EXOSC4: variants seen among roughly 807,000 people sequenced by gnomAD.
The protein encoded by EXOSC4 is exosome complex component RRP41.
EXOSC4 carries 14 observed loss-of-function variants against 20.0 expected under a neutral mutation model. The ratio of observed to expected loss-of-function variants is 0.70; its 90% CI spans 0.46 to 1.09. The LOEUF (loss-of-function observed/expected upper bound fraction) is 1.09. EXOSC4 is among the 50% of genes least tolerant of loss of function. The pLI is 0.00. For synonymous variants in EXOSC4, 148 were observed against 146.4 expected (o/e 1.01, Z -0.08); for missense variants, 337 against 334.0 (o/e 1.01, Z -0.07).
the EXOSC4 span, among the ~76,000 whole-genome samples, chr8:144,066,175 C>T: frequency 4.6e-5 from 7 of 151,964 alleles, no homozygotes; most frequent in South Asian, 1.2e-3. Context: ...CGCCACCACA[C>T]CTGGCTGATT....
At chr8:144,078,669 G>A, upstream of EXOSC4, 1 of 1,350,060 alleles carries the variant, frequency 7.4e-7, no homozygotes, top group Non-Finnish European at 9.6e-7. This position sits in a 1 kb window ranked among gnomAD's most constrained non-coding sequence, Gnocchi z 4.7. Context: ...GCCGCCGGGA[G>A]CTGTAGTTCT....
chr8:144,079,936 C>A lies in EXOSC4; in HGVS notation c.172-7C>A. 1 of 1,613,920 alleles carries A rather than the reference C, an allele frequency of 6.2e-7. No homozygotes were observed. The highest frequency in any genetic ancestry group is 8.5e-7 in the Non-Finnish European group (1 of 1,179,970). ...TGGGCCTGGCTCATGTGTCTGTCCTCTTCCAGATCCGGGGCTCCCGGGCTC... is the reference window on the plus strand; with the variant it reads ...TGGGCCTGGCTCATGTGTCTGTCCTATTCCAGATCCGGGGCTCCCGGGCTC... On this transcript the variant is annotated splice_polypyrimidine_tract_variant and splice_region_variant and intron_variant, in intron 1 of 2. Transcript: ENST00000316052.
chr8:144,068,272 T>C, the EXOSC4 span, among the ~76,000 whole-genome samples: 3 of 152,344 alleles, frequency 2.0e-5, no homozygotes, highest in East Asian at 1.9e-4. Flanking sequence ...GCCCCTCCCA[T>C]GAAGTGTCTG....
the EXOSC4 span, among the ~76,000 whole-genome samples, chr8:144,064,118 GC>G: frequency 6.6e-6 from 1 of 152,252 alleles, no homozygotes; most frequent in Admixed American, 6.5e-5. Flanking sequence ...CTGACCTCCA[GC>G]CCCCTGAGGG....
the EXOSC4 span, among the ~76,000 whole-genome samples, chr8:144,067,937 C>T: frequency 5.3e-5 from 8 of 152,194 alleles, no homozygotes; most frequent in Admixed American, 1.3e-4. Flanking sequence ...ACCCAAGAGG[C>T]GGAGGTTCAA....
At position 144,080,262 on chromosome 8, in the gene EXOSC4, G is replaced by A; in HGVS notation, c.399G>A (p.Gly133=). ...IYVQVLQADG[G]TYAACVNAAT... ...TGCAGGTGCTACAGGCAGATGGTGG[G>A]ACCTATGCAGCTTGTGTGAATGCAG... is the stretch of plus-strand genomic sequence containing the variant. The change falls in exon 3 of 3, where the codon GGG becomes GGA. Residue 133 remains glycine (G), a synonymous_variant. Coordinates refer to ENST00000316052, the MANE Select transcript of EXOSC4 (RefSeq NM_019037.3). This position sits in a 1 kb window ranked among gnomAD's most constrained non-coding sequence, Gnocchi z 4.9. 1 of 1,613,842 alleles carries A rather than the reference G, an allele frequency of 6.2e-7. No individual in the cohort carries two copies. Among genetic ancestry groups the A allele is most frequent in the Non-Finnish European group, 8.5e-7 (1 of 1,180,018 alleles).
At chr8:144,077,003 G>A (rs1272334781), upstream of EXOSC4, among the ~76,000 whole-genome samples, 1 of 151,936 alleles carries the variant, frequency 6.6e-6, no homozygotes, top group Non-Finnish European at 1.5e-5. Flanking sequence ...CCCAGGAGGT[G>A]GAGGTTGCAG....
intron 1 of EXOSC4, 96 bp from the exon 2 acceptor site, chr8:144,079,847 G>T: frequency 4.2e-6 from 5 of 1,189,098 alleles, no homozygotes; most frequent in Non-Finnish European, 6.3e-6. Context: ...GCCCCTTGCT[G>T]AGGCATTGAA....
At chr8:144,077,310 G>C (rs1835844954), upstream of EXOSC4, among the ~76,000 whole-genome samples, 1 of 152,164 alleles carries the variant, frequency 6.6e-6, no homozygotes, top group Non-Finnish European at 1.5e-5. Context: ...GGGACAGTAA[G>C]AGCTCAGACT....
chr8:144,078,798 A>C lies in EXOSC4; in HGVS notation c.70A>C (p.Lys24Gln). 6.4e-7 allele frequency: 1 copy of C among 1,569,528 alleles called. No individual in the cohort carries two copies. Among genetic ancestry groups the C allele is most frequent in the Non-Finnish European group, 8.6e-7 (1 of 1,160,576 alleles). Reference protein sequence around the residue: ...VDGRRAGELRKIQARMGVFAQ... With the variant: ...VDGRRAGELRQIQARMGVFAQ... ...CGGGCGGCGCGCCGGGGAGCTGCGC[A>C]AGATCCAGGCGCGGATGGGCGTGTT... The change falls in exon 1 of 3, where the codon AAG becomes CAG. Residue 24 changes from lysine (K) to glutamine (Q), a missense_variant. Coordinates refer to ENST00000316052, the MANE Select transcript of EXOSC4 (RefSeq NM_019037.3). The surrounding 1 kb of genome is among the most constrained non-coding windows in gnomAD (Gnocchi z 4.7).
At chr8:144,065,378 G>C in the EXOSC4 span, among the ~76,000 whole-genome samples, 15 of 152,150 alleles carry the variant, frequency 9.9e-5, no homozygotes, top group Non-Finnish European at 1.9e-4. Context: ...GTGCCCCTGA[G>C]ACTAGTGCTC....
At chr8:144,074,457 CACA>C (rs1835818812), upstream of EXOSC4, among the ~76,000 whole-genome samples, 2 of 152,214 alleles carry the variant, frequency 1.3e-5, no homozygotes, top group African/African-American at 4.8e-5. Flanking sequence ...CATGTCATGA[CACA>C]ACAAGCTGAT....
In EXOSC4 at chr8:144,078,830, G is replaced by A; in HGVS notation, c.102G>A (p.Gln34=). 7.0e-6 allele frequency: 11 copies of A among 1,581,674 alleles called. No homozygotes were observed. Among genetic ancestry groups the A allele is most frequent in the South Asian group, 1.1e-5 (1 of 87,284 alleles). The change falls in exon 1 of 3, where the codon CAG becomes CAA. Residue 34 remains glutamine (Q), a synonymous_variant. Coordinates refer to ENST00000316052, the MANE Select transcript of EXOSC4 (RefSeq NM_019037.3). The surrounding 1 kb of genome is among the most constrained non-coding windows in gnomAD (Gnocchi z 4.7). ...AGGCGCGGATGGGCGTGTTCGCGCAGGCTGACGGCTCGGCCTACATTGAGC... is the reference window on the plus strand; with the variant it reads ...AGGCGCGGATGGGCGTGTTCGCGCAAGCTGACGGCTCGGCCTACATTGAGC... The part of the protein sequence containing the change: ...KIQARMGVFA[Q]ADGSAYIEQG...
upstream of EXOSC4, among the ~76,000 whole-genome samples, chr8:144,075,293 T>C (rs1012876941): frequency 2.6e-5 from 4 of 151,840 alleles, no homozygotes; most frequent in African/African-American, 4.8e-5. Context: ...GTGGTGCGAT[T>C]TCGGCTCACT....
At chr8:144,067,546 C>A in the EXOSC4 span, among the ~76,000 whole-genome samples, 5 of 152,172 alleles carry the variant, frequency 3.3e-5, no homozygotes, top group Non-Finnish European at 7.3e-5. Context: ...AATGATTCAT[C>A]ACATATAAGA....
chr8:144,067,713 T>C, the EXOSC4 span, among the ~76,000 whole-genome samples: 4 of 152,122 alleles, frequency 2.6e-5, no homozygotes, highest in African/African-American at 9.7e-5. Flanking sequence ...TGAACAAAGA[T>C]AGAAAATGTG....
the EXOSC4 span, among the ~76,000 whole-genome samples, chr8:144,073,015 G>A: frequency 6.6e-6 from 1 of 152,332 alleles, no homozygotes; most frequent in South Asian, 2.1e-4. Context: ...TGAACAGAGT[G>A]GCCATGGTGG....
rs887344804 is a variant in EXOSC4 at position 144,080,092 on chromosome 8, C to T, written c.321C>T (p.Phe107=). The T allele has an allele frequency of 3.7e-6, 6 of 1,614,052 alleles. No homozygotes were observed. The highest frequency in any genetic ancestry group is 2.2e-5 in the East Asian group (1 of 44,892). Residue 107 remains phenylalanine, a synonymous_variant, in exon 2 of 3, where the codon TTC becomes TTT. Transcript: ENST00000316052. The surrounding 1 kb of genome is among the most constrained non-coding windows in gnomAD (Gnocchi z 4.9). ...TGGGCCTGCAGCTCCGCCAGACTTT[C>T]GAAGCAGCCATCCTCACACAGCTGC... ...CEMGLQLRQT[F]EAAILTQLHP...
chr8:144,076,029 CGT>C (rs782405400), upstream of EXOSC4, among the ~76,000 whole-genome samples: 1 of 152,190 alleles, frequency 6.6e-6, no homozygotes, highest in Non-Finnish European at 1.5e-5. Flanking sequence ...CTCTGGTAAG[CGT>C]GTCTCACTGT....
Sources: allele counts gnomAD v4.1 joint callset (sites outside exome capture counted in the v4.1 genomes callset), GRCh38; gene constraint gnomAD v4.1.1; non-coding constraint Gnocchi (gnomAD v3.1); transcripts MANE v1.5; gene names NCBI Gene and HGNC (gene_info 2026-07-23, HGNC 2026-07-21).